The following PAQR5 variants were observed in gnomAD, a reference collection of about 807,000 sequenced individuals.
PAQR5 encodes membrane progestin receptor gamma.
Under a neutral mutation model 34.5 loss-of-function variants are expected in PAQR5, and 20 were observed. The ratio of observed to expected loss-of-function variants is 0.58; its 90% confidence interval spans 0.41 to 0.84. The LOEUF is 0.84. PAQR5 is among the 40% of genes least tolerant of loss of function. The pLI, the probability that PAQR5 is intolerant of heterozygous loss-of-function variation, is 0.00. For missense variants in PAQR5, 378 were observed against 412.7 expected (o/e 0.92, Z 0.73); for synonymous variants, 131 against 155.6 (o/e 0.84, Z 1.18).
chr15:69,389,685 C>A lies in PAQR5; in HGVS notation c.417C>A (p.Phe139Leu), dbSNP rs901881822. 4.3e-6 allele frequency: 7 copies of A among 1,614,214 alleles called. No individual in the cohort carries two copies. Among genetic ancestry groups the A allele is most frequent in the Non-Finnish European group, 5.9e-6 (7 of 1,180,020 alleles). The change falls in exon 6 of 9, where the codon TTC becomes TTA. Residue 139 changes from phenylalanine to leucine, a missense_variant. Transcript: ENST00000395407. ...CCATTGCCTACTCTGCATACACGTTCCCGGATGCGCTCATGTGCACCACTT... is the reference window on the plus strand; with the variant it reads ...CCATTGCCTACTCTGCATACACGTTACCGGATGCGCTCATGTGCACCACTT... ...GSAIAYSAYT[F>L]PDALMCTTFH...
At chr15:69,398,625 C>T (rs1281269109) in intron 7 of PAQR5, among the ~76,000 whole-genome samples, 4 of 152,170 alleles carry the variant, frequency 2.6e-5, no homozygotes, top group Admixed American at 6.5e-5. Context: ...GCATTGAGCA[C>T]GTTCTCTGTG....
intron 1 of PAQR5, among the ~76,000 whole-genome samples, chr15:69,328,577 G>C (rs2054305698): frequency 2.0e-5 from 3 of 152,202 alleles, no homozygotes. Context: ...TTTGAGGCTT[G>C]GGGGCAGGCC....
At chr15:69,329,094 C>A (rs1261900667) in intron 1 of PAQR5, among the ~76,000 whole-genome samples, 3 of 152,246 alleles carry the variant, frequency 2.0e-5, no homozygotes, top group Admixed American at 1.3e-4. Flanking sequence ...GCGGCTTCGC[C>A]CTTGTTCACC....
chr15:69,360,214 C>T (rs1362751194), intron 3 of PAQR5, 83 bp downstream of exon 3: 1 of 1,040,996 alleles, frequency 9.6e-7, no homozygotes, highest in Non-Finnish European at 1.5e-6. Flanking sequence ...GTTGTCTTCA[C>T]CTAGTCTGTT....
At chr15:69,322,923 G>A (rs937992492) in intron 1 of PAQR5, among the ~76,000 whole-genome samples, 11 of 149,618 alleles carry the variant, frequency 7.4e-5, no homozygotes, top group African/African-American at 1.2e-4. Flanking sequence ...CACAAAGAGC[G>A]CATGGGGGTG....
intron 4 of PAQR5, among the ~76,000 whole-genome samples, chr15:69,382,639 GT>G (rs1305226585): frequency 7.1e-5 from 1 of 14,008 alleles, no homozygotes; most frequent in Non-Finnish European, 1.4e-4. Flanking sequence ...GCAAGACTCT[GT>G]CTCAAAAAAA....
intron 1 of PAQR5, among the ~76,000 whole-genome samples, chr15:69,322,748 A>T (rs61531917): frequency 1.1e-4 from 3 of 26,524 alleles, no homozygotes; most frequent in Non-Finnish European, 2.6e-4. Flanking sequence ...AAGAAGAAGA[A>T]GAAGAAGAAG....
intron 4 of PAQR5, among the ~76,000 whole-genome samples, chr15:69,384,335 C>T (rs1159767889): frequency 1.8e-5 from 2 of 112,354 alleles, no homozygotes; most frequent in Middle Eastern, 8.3e-3. Flanking sequence ...CCGTGTTCAT[C>T]GCGGAGGGTG....
intron 4 of PAQR5, among the ~76,000 whole-genome samples, chr15:69,383,358 T>TCCGTGCTCATGGTGGAGGGTGAGG (rs1567033379): frequency 6.2e-4 from 11 of 17,656 alleles, no homozygotes; most frequent in East Asian, 3.3e-3. Context: ...GGAGGGTGAG[T>TCCGTGCTCATGGTGGAGGGTGAGG]GGGCCTTTGT....
At chr15:69,342,572 G>T (rs1184805615) in intron 2 of PAQR5, among the ~76,000 whole-genome samples, 1 of 152,178 alleles carries the variant, frequency 6.6e-6, no homozygotes, top group Admixed American at 6.5e-5. Flanking sequence ...TCTGAAAGCA[G>T]CTGGGGCCCC....
intron 4 of PAQR5, among the ~76,000 whole-genome samples, chr15:69,382,113 G>A (rs972954951): frequency 6.6e-6 from 1 of 152,150 alleles, no homozygotes; most frequent in African/African-American, 2.4e-5. Flanking sequence ...GGAACAGTGT[G>A]GAGGAGGAGG....
At chr15:69,336,242 G>C (rs964029747) in intron 1 of PAQR5, among the ~76,000 whole-genome samples, 12 of 152,088 alleles carry the variant, frequency 7.9e-5, no homozygotes, top group African/African-American at 2.9e-4. Context: ...TTTGATATTT[G>C]ACAAACTTTC....
At chr15:69,381,099 C>A (rs1226428918) in intron 4 of PAQR5, among the ~76,000 whole-genome samples, 1 of 152,186 alleles carries the variant, frequency 6.6e-6, no homozygotes, top group Non-Finnish European at 1.5e-5. Flanking sequence ...CCTGGGCCTG[C>A]GGACTGGGCA....
intron 2 of PAQR5, among the ~76,000 whole-genome samples, chr15:69,350,414 A>G (rs944585433): frequency 4.6e-5 from 7 of 152,172 alleles, no homozygotes; most frequent in African/African-American, 9.6e-5. Context: ...AGGCCGATGC[A>G]GGCAGATAAC....
chr15:69,362,597 T>C (rs537837145), intron 3 of PAQR5, among the ~76,000 whole-genome samples: 3 of 152,324 alleles, frequency 2.0e-5, no homozygotes, highest in Admixed American at 2.0e-4. Context: ...CAAGATAATC[T>C]CTCTACCTCA....
At chr15:69,339,330 G>A (rs906782293) in intron 2 of PAQR5, among the ~76,000 whole-genome samples, 2 of 151,954 alleles carry the variant, frequency 1.3e-5, no homozygotes, top group East Asian at 3.9e-4. Flanking sequence ...AATTGGCTCT[G>A]TCTAGGCGTG....
At chr15:69,390,050 C>T (rs1402819835) in intron 6 of PAQR5, among the ~76,000 whole-genome samples, 1 of 152,222 alleles carries the variant, frequency 6.6e-6, no homozygotes. Flanking sequence ...AAGTCTCACT[C>T]TGTCACCCAG....
chr15:69,358,632 C>CTTTTTTTTT (rs1567019143), intron 2 of PAQR5, among the ~76,000 whole-genome samples: 12 of 6,566 alleles, frequency 1.8e-3, no homozygotes, highest in Admixed American at 3.4e-3. Context: ...AGCTCTGTGG[C>CTTTTTTTTT]ATTTTTTTTT....
At chr15:69,348,663 A>C (rs2054834587) in intron 2 of PAQR5, among the ~76,000 whole-genome samples, 1 of 152,174 alleles carries the variant, frequency 6.6e-6, no homozygotes, top group Non-Finnish European at 1.5e-5. Context: ...AACTGCATAT[A>C]GTACTAGACT....
Sources: gnomAD v4.1 joint callset for allele counts (sites outside exome capture counted in the v4.1 genomes callset) on GRCh38, gnomAD v4.1.1 for gene constraint, MANE v1.5 for transcripts, NCBI Gene and HGNC (gene_info 2026-07-23, HGNC 2026-07-21) for gene names.